GSTCD: variants seen among roughly 807,000 people sequenced by gnomAD.
GSTCD encodes the protein glutathione S-transferase C-terminal domain-containing protein.
GSTCD carries 44 observed loss-of-function variants against 68.3 expected under a neutral mutation model. The observed-to-expected ratio is 0.64, with a 90% confidence interval of 0.51 to 0.83. GSTCD has a LOEUF of 0.83. Among genes scored for constraint, GSTCD ranks in the 40% least tolerant of loss-of-function variants. The probability of loss-of-function intolerance (pLI) is 0.00; values close to 1 mark genes in which losing one functional copy is unlikely to be tolerated. For synonymous variants in GSTCD, 273 were observed against 255.2 expected (o/e 1.07, Z -0.67); for missense variants, 739 against 735.9 (o/e 1.00, Z -0.05).
In GSTCD at chr4:105,719,199, T is replaced by C; in HGVS notation, c.566T>C (p.Val189Ala). The C allele has an allele frequency of 6.2e-7, 1 of 1,613,802 alleles. No individual in the cohort carries two copies. Among genetic ancestry groups the C allele is most frequent in the Non-Finnish European group, 8.5e-7 (1 of 1,179,954 alleles). The change falls in exon 3 of 12, where the codon GTG (valine) becomes GCG (alanine). Residue 189 changes from valine (V) to alanine (A), a missense_variant. Coordinates refer to ENST00000515279, the MANE Select transcript of GSTCD (RefSeq NM_001370181.1). ...LEKKLSEPVR[V>A]HNDDKLRRQK... ...AAAAAGCTTAGTGAGCCTGTTAGAG[T>C]GCATAATGATGATAAACTCCGCAGG...
chr4:105,778,620 A>G (rs538248028), intron 5 of GSTCD, among the ~76,000 whole-genome samples: 1 of 152,206 alleles, frequency 6.6e-6, no homozygotes, highest in African/African-American at 2.4e-5. Flanking sequence ...GACAGCTTAC[A>G]ACAGCTGCAA....
intron 11 of GSTCD, 127 bp from the exon 12 acceptor site, chr4:105,845,314 G>A: frequency 1.1e-6 from 1 of 902,984 alleles, no homozygotes. Context: ...AACTAAACAA[G>A]ACTTAGGGGT....
intron 5 of GSTCD, among the ~76,000 whole-genome samples, chr4:105,787,460 T>C (rs1204995630): frequency 2.0e-5 from 3 of 152,028 alleles, no homozygotes; most frequent in African/African-American, 7.3e-5. Context: ...AGGCCAAGAA[T>C]TGGCTTCAGA....
chr4:105,796,973 G>T (rs555718690), intron 5 of GSTCD, among the ~76,000 whole-genome samples: 54 of 152,080 alleles, frequency 3.6e-4, no homozygotes, highest in Admixed American at 2.4e-3. Context: ...GGCAAGAAAA[G>T]CTCCAGTGCC....
chr4:105,743,776 A>G (rs1356694624), intron 5 of GSTCD, among the ~76,000 whole-genome samples: 1 of 146,970 alleles, frequency 6.8e-6, no homozygotes, highest in African/African-American at 2.5e-5. Context: ...CTCCTGCCTC[A>G]GCCTCTCGAG....
chr4:105,745,499 G>C, intron 5 of GSTCD, among the ~76,000 whole-genome samples: 1 of 152,160 alleles, frequency 6.6e-6, no homozygotes, highest in South Asian at 2.1e-4. Flanking sequence ...TTCCTTCTCT[G>C]TGTGATGAAC....
intron 5 of GSTCD, among the ~76,000 whole-genome samples, chr4:105,808,704 G>T (rs914286012): frequency 1.3e-5 from 2 of 152,018 alleles, no homozygotes; most frequent in East Asian, 1.9e-4. Flanking sequence ...TTAGTTACCC[G>T]CAGTCAACTG....
chr4:105,771,509 C>CATTT (rs1734845908), intron 5 of GSTCD, among the ~76,000 whole-genome samples: 1 of 152,144 alleles, frequency 6.6e-6, no homozygotes, highest in African/African-American at 2.4e-5. Flanking sequence ...TTAGGTCTAA[C>CATTT]ATTTAAGTCT....
chr4:105,810,601 G>A (rs183489526), intron 5 of GSTCD, among the ~76,000 whole-genome samples: 398 of 152,016 alleles, frequency 2.6e-3, no homozygotes, highest in Middle Eastern at 0.014. Flanking sequence ...TGATTTTAAC[G>A]GTGAACACTA....
intron 5 of GSTCD, among the ~76,000 whole-genome samples, chr4:105,755,947 A>G (rs1359805378): frequency 6.7e-6 from 1 of 150,208 alleles, no homozygotes; most frequent in Non-Finnish European, 1.5e-5. Flanking sequence ...ATATGGGTAC[A>G]TGGTTCCCAC....
chr4:105,758,765 A>G (rs1156241051), intron 5 of GSTCD, among the ~76,000 whole-genome samples: 3 of 152,242 alleles, frequency 2.0e-5, no homozygotes, highest in African/African-American at 4.8e-5. Context: ...GATTTCCAGT[A>G]GGGCTTAACT....
chr4:105,775,227 A>G (rs1463596999), intron 5 of GSTCD, among the ~76,000 whole-genome samples: 2 of 151,970 alleles, frequency 1.3e-5, no homozygotes, highest in Non-Finnish European at 2.9e-5. Context: ...TCTTCTCTAA[A>G]CTGGTTATTC....
intron 5 of GSTCD, among the ~76,000 whole-genome samples, chr4:105,767,051 A>G (rs1406929393): frequency 6.6e-6 from 1 of 152,076 alleles, no homozygotes; most frequent in Non-Finnish European, 1.5e-5. Context: ...CCCCCAGAAC[A>G]GAATATGTTG....
intron 1 of GSTCD, among the ~76,000 whole-genome samples, chr4:105,717,283 T>C (rs1732707693): frequency 6.6e-6 from 1 of 152,172 alleles, no homozygotes; most frequent in African/African-American, 2.4e-5. Flanking sequence ...CCCTTCTATT[T>C]ATCTCCTGTT....
chr4:105,793,419 T>TA (rs1553963380), intron 5 of GSTCD, among the ~76,000 whole-genome samples: 2,083 of 150,694 alleles, frequency 0.014, 64 homozygotes, highest in African/African-American at 0.046. Context: ...TTTTTTTTTT[T>TA]AAAAAAAATC....
At chr4:105,780,135 T>A (rs1735221568) in intron 5 of GSTCD, among the ~76,000 whole-genome samples, 1 of 152,202 alleles carries the variant, frequency 6.6e-6, no homozygotes, top group African/African-American at 2.4e-5. Flanking sequence ...AAAATGTGTT[T>A]CTGCCATTTC....
At chr4:105,760,056 C>T (rs1430444417) in intron 5 of GSTCD, among the ~76,000 whole-genome samples, 2 of 151,840 alleles carry the variant, frequency 1.3e-5, no homozygotes, top group African/African-American at 4.8e-5. Context: ...GTGTTCTCTA[C>T]CTTCGCAATG....
chr4:105,841,045 G>A (rs906252512), intron 10 of GSTCD, among the ~76,000 whole-genome samples: 7 of 152,110 alleles, frequency 4.6e-5, no homozygotes, highest in African/African-American at 1.7e-4. Flanking sequence ...GCCAGGCACG[G>A]TACCTCATGC....
intron 8 of GSTCD, among the ~76,000 whole-genome samples, chr4:105,831,158 A>G (rs1723877713): frequency 1.3e-5 from 2 of 152,184 alleles, no homozygotes; most frequent in Non-Finnish European, 2.9e-5. Flanking sequence ...TTGTTGTATG[A>G]AAGTTTTAAA....
Sources: allele counts gnomAD v4.1 joint callset (sites outside exome capture counted in the v4.1 genomes callset), GRCh38; gene constraint gnomAD v4.1.1; transcripts MANE v1.5; gene names NCBI Gene and HGNC (gene_info 2026-07-23, HGNC 2026-07-21).